The following TRPM3 variants were observed in gnomAD, a reference collection of about 807,000 sequenced individuals.
TRPM3 encodes transient receptor potential cation channel subfamily M member 3.
TRPM3 carries 77 observed loss-of-function variants against 181.2 expected under a neutral mutation model. The ratio of observed to expected loss-of-function variants is 0.42; its 90% CI spans 0.35 to 0.51. TRPM3 has a LOEUF of 0.51. Ranked by LOEUF, TRPM3 falls within the 20% of genes least tolerant of loss-of-function variation. The pLI is 0.01. For synonymous variants in TRPM3, 745 were observed against 796.4 expected (o/e 0.94, Z 1.09); for missense variants, 1,759 against 2,196.7 (o/e 0.80, Z 3.98).
intron 1 of TRPM3, among the ~76,000 whole-genome samples, chr9:71,114,312 T>C (rs540241131): frequency 6.6e-6 from 1 of 152,096 alleles, no homozygotes; most frequent in Non-Finnish European, 1.5e-5. Context: ...TAAACACAAA[T>C]CTTCTGTGTG....
intron 1 of TRPM3, among the ~76,000 whole-genome samples, chr9:71,337,658 A>C (rs999605003): frequency 2.0e-5 from 3 of 152,210 alleles, no homozygotes; most frequent in African/African-American, 7.2e-5. Flanking sequence ...CACTGTTCAC[A>C]ATAGCAAAGA....
At chr9:70,546,152 A>G (rs1316016621) in intron 25 of TRPM3, among the ~76,000 whole-genome samples, 1 of 152,212 alleles carries the variant, frequency 6.6e-6, no homozygotes, top group Non-Finnish European at 1.5e-5. Flanking sequence ...AGGATTTTAT[A>G]TGCTCCACAG....
At chr9:70,618,333 C>T (rs903923683) in intron 17 of TRPM3, among the ~76,000 whole-genome samples, 2 of 152,212 alleles carry the variant, frequency 1.3e-5, no homozygotes, top group African/African-American at 4.8e-5. Context: ...AGATTATATA[C>T]AGTGGTCTGT....
chr9:70,939,120 T>G (rs1332004014), intron 1 of TRPM3, among the ~76,000 whole-genome samples: 1 of 152,154 alleles, frequency 6.6e-6, no homozygotes, highest in Non-Finnish European at 1.5e-5. Flanking sequence ...ACATAGCAGG[T>G]GATGCCTCTC....
At chr9:71,262,753 C>T (rs886301914) in intron 1 of TRPM3, among the ~76,000 whole-genome samples, 6 of 152,100 alleles carry the variant, frequency 3.9e-5, no homozygotes, top group Admixed American at 1.3e-4. Flanking sequence ...CCTCACAGCA[C>T]GGTCCCTCAC....
chr9:71,089,256 T>C (rs758613269), intron 1 of TRPM3, among the ~76,000 whole-genome samples: 1 of 150,082 alleles, frequency 6.7e-6, no homozygotes, highest in East Asian at 1.9e-4. Context: ...GTTTGCTATA[T>C]AGTCTCTATA....
At chr9:71,308,768 G>A (rs2087628155) in intron 1 of TRPM3, among the ~76,000 whole-genome samples, 1 of 143,122 alleles carries the variant, frequency 7.0e-6, no homozygotes, top group South Asian at 2.2e-4. Context: ...AGAAATACAG[G>A]CCACAGTTGC....
At chr9:70,891,283 ATTG>A (rs1283449757) in intron 1 of TRPM3, among the ~76,000 whole-genome samples, 7 of 152,200 alleles carry the variant, frequency 4.6e-5, no homozygotes, top group Admixed American at 3.3e-4. Flanking sequence ...GAAAAAAATA[ATTG>A]TTAACTGTAT....
intron 1 of TRPM3, among the ~76,000 whole-genome samples, chr9:71,145,251 G>C (rs1407036048): frequency 6.6e-6 from 1 of 152,082 alleles, no homozygotes; most frequent in Non-Finnish European, 1.5e-5. Context: ...AATACCAGAT[G>C]GAACTCCATT....
intron 1 of TRPM3, among the ~76,000 whole-genome samples, chr9:71,383,655 G>A (rs2092856901): frequency 1.3e-5 from 2 of 152,134 alleles, no homozygotes; most frequent in South Asian, 2.1e-4. Flanking sequence ...CACTACCCCT[G>A]AGGAGACTAC....
At chr9:70,933,928 G>C (rs1206658440) in intron 1 of TRPM3, among the ~76,000 whole-genome samples, 1 of 152,114 alleles carries the variant, frequency 6.6e-6, no homozygotes, top group Non-Finnish European at 1.5e-5. Context: ...GAAAGGAAAA[G>C]GTAGGAGCAA....
chr9:71,232,369 T>C (rs10868990), intron 1 of TRPM3, among the ~76,000 whole-genome samples: 65,113 of 151,878 alleles, frequency 0.43, 14,368 homozygotes, highest in East Asian at 0.52. Context: ...CCAAGACACA[T>C]GCTATCAATG....
At chr9:70,791,519 A>G (rs1331576845) in intron 6 of TRPM3, among the ~76,000 whole-genome samples, 1 of 152,170 alleles carries the variant, frequency 6.6e-6, no homozygotes, top group African/African-American at 2.4e-5. Flanking sequence ...ACCAGTTTCT[A>G]TGGCAACTCC....
At chr9:71,099,157 T>G (rs962243870) in intron 1 of TRPM3, among the ~76,000 whole-genome samples, 1 of 152,170 alleles carries the variant, frequency 6.6e-6, no homozygotes, top group Non-Finnish European at 1.5e-5. Flanking sequence ...ATGAAGGCAC[T>G]GGCAGATTTG....
rs557254848 is a variant in TRPM3, at chr9:71,404,450, CTTT to C, written c.183+42200_183+42202del. 7.2e-3 allele frequency among the ~76,000 whole-genome samples: 1,098 copies of C among 152,256 alleles called. 8 individuals are homozygous for C. Among genetic ancestry groups the C allele is most frequent in the Non-Finnish European group, 0.011 (756 of 68,014 alleles). On this transcript the variant is annotated intron_variant, in intron 1 of 24. Coordinates refer to the TRPM3 transcript ENST00000357533. ...GCCTTCCTCTAACTTATTCATCTCT[CTTT>C]TTTCTATAATTCAGTTACTCATCAA...
chr9:70,686,736 T>TCCTTC (rs2066993723), intron 8 of TRPM3, among the ~76,000 whole-genome samples: 2 of 130,888 alleles, frequency 1.5e-5, no homozygotes, highest in South Asian at 2.7e-4. Context: ...CTTCCTTCCT[T>TCCTTC]CCTTCCCTTC....
intron 1 of TRPM3, among the ~76,000 whole-genome samples, chr9:70,996,695 A>T (rs72731745): frequency 0.052 from 7,889 of 151,776 alleles, 276 homozygotes; most frequent in Middle Eastern, 0.099. Context: ...GTTTATTTGA[A>T]TTTTTTTCTT....
intron 1 of TRPM3, among the ~76,000 whole-genome samples, chr9:71,066,175 C>T (rs1443832212): frequency 1.3e-5 from 2 of 152,146 alleles, no homozygotes; most frequent in African/African-American, 4.8e-5. Flanking sequence ...CAAAACTTTA[C>T]AGTTATAAAT....
At chr9:70,589,075 T>C (rs1459577544) in intron 22 of TRPM3, among the ~76,000 whole-genome samples, 2 of 152,170 alleles carry the variant, frequency 1.3e-5, no homozygotes, top group Non-Finnish European at 2.9e-5. Flanking sequence ...CAGTTATACA[T>C]TGAGGTTTGG....
Sources: allele counts gnomAD v4.1 joint callset (sites outside exome capture counted in the v4.1 genomes callset), GRCh38; gene constraint gnomAD v4.1.1; transcripts MANE v1.5; gene names NCBI Gene and HGNC (gene_info 2026-07-23, HGNC 2026-07-21).